CFAP46: variants seen among roughly 807,000 people sequenced by gnomAD.
CFAP46 encodes cilia- and flagella-associated protein 46.
Under a neutral mutation model 325.7 loss-of-function variants are expected in CFAP46, and 245 were observed. The observed-to-expected ratio is 0.75, with a 90% CI of 0.68 to 0.84. The LOEUF is 0.84. Among genes scored for constraint, CFAP46 ranks in the 40% least tolerant of loss-of-function variants. The pLI is 0.00. For missense variants in CFAP46, 3,346 were observed against 3,543.0 expected (o/e 0.94, Z 1.41); for synonymous variants, 1,523 against 1,495.9 (o/e 1.02, Z -0.42).
chr10:132,924,138 T>C (rs1849770461), intron 11 of CFAP46, among the ~76,000 whole-genome samples: 1 of 152,086 alleles, frequency 6.6e-6, no homozygotes, highest in Non-Finnish European at 1.5e-5. Flanking sequence ...CAACAGCTTG[T>C]GGCTGCCCTT....
At chr10:132,850,151 C>T in intron 41 of CFAP46, 93 bp downstream of exon 41, 1 of 1,253,028 alleles carries the variant, frequency 8.0e-7, no homozygotes, top group Non-Finnish European at 1.1e-6. Context: ...GCCACTGCTG[C>T]AATCACAGGA....
intron 20 of CFAP46, among the ~76,000 whole-genome samples, 199 bp downstream of exon 20, chr10:132,909,720 G>C (rs576058862): frequency 1.8e-4 from 28 of 152,374 alleles, no homozygotes; most frequent in Non-Finnish European, 3.7e-4. Flanking sequence ...CCCGTGGACG[G>C]GTGGGCAGAG....
chr10:132,818,832 C>G (rs1332667364), intron 50 of CFAP46, among the ~76,000 whole-genome samples: 1 of 142,222 alleles, frequency 7.0e-6, no homozygotes, highest in African/African-American at 2.6e-5. Context: ...CTAGCCTGGG[C>G]AACAGAGTGA....
intron 44 of CFAP46, among the ~76,000 whole-genome samples, chr10:132,841,825 C>T (rs1848349324): frequency 6.6e-6 from 1 of 152,232 alleles, no homozygotes; most frequent in Admixed American, 6.5e-5. Flanking sequence ...CCCCAGCAGG[C>T]CCTGGGCAGA....
In CFAP46 at chr10:132,872,697, AG is replaced by A. The variant is rs1463232511; in HGVS notation, c.4489del (p.Leu1497CysfsTer16). The A allele has an allele frequency of 6.4e-7, 1 of 1,550,694 alleles. No individual in the cohort carries two copies. The highest frequency in any genetic ancestry group is 1.2e-5 in the South Asian group (1 of 84,068). On this transcript the variant is annotated frameshift_variant, in exon 32 of 58. Transcript: ENST00000368586. LOFTEE classifies it high-confidence loss of function. ...ISDSVVGSKG[L>X]SDLYHLRLAH... ...CCACCGAAGGTGGTAGAGATCCGAC[AG>A]GCCCTTGCTTCCCACCACGGAGTCC...
intron 9 of CFAP46, among the ~76,000 whole-genome samples, chr10:132,928,568 G>A (rs890128000): frequency 4.6e-5 from 7 of 152,158 alleles, no homozygotes; most frequent in African/African-American, 1.4e-4. Context: ...GGCTCCCCCC[G>A]TGCTGAGCCA....
chr10:132,873,328 T>C (rs956313410), intron 31 of CFAP46, among the ~76,000 whole-genome samples: 4 of 152,192 alleles, frequency 2.6e-5, no homozygotes, highest in African/African-American at 7.2e-5. Flanking sequence ...AACTGGAGGA[T>C]AATCAATATC....
Position 132,937,557 on chromosome 10 carries a change from CAG to C in CFAP46, c.653_654del (p.Ser218CysfsTer6), listed in dbSNP as rs747589385. 28 of 1,613,416 alleles carry C rather than the reference CAG, an allele frequency of 1.7e-5. 1 individual carries two copies. Among genetic ancestry groups the C allele is most frequent in the South Asian group, 1.3e-4 (12 of 91,070 alleles). On this transcript the variant is annotated frameshift_variant, in exon 6 of 58. Coordinates refer to ENST00000368586, the MANE Select transcript of CFAP46 (RefSeq NM_001200049.3). LOFTEE classifies it high-confidence loss of function. ...TTTCTAATACGCTGATTTACCATAA[CAG>C]AGAATATCTGCCGGTATTTCTGTGG... The part of the protein sequence containing the change: ...HVPQKYRQIF[S>X]VMVRHELMDE...
intron 55 of CFAP46, 33 bp from the exon 56 acceptor site, chr10:132,811,064 T>C (rs1847572404): frequency 1.3e-6 from 2 of 1,539,582 alleles, no homozygotes; most frequent in African/African-American, 1.4e-5. Flanking sequence ...TCAGCAGCCT[T>C]GGCCTGACAT....
chr10:132,821,422 C>G (rs1490432400), intron 50 of CFAP46, among the ~76,000 whole-genome samples: 1 of 107,322 alleles, frequency 9.3e-6, no homozygotes, highest in South Asian at 3.1e-4. Flanking sequence ...TGTGTGAGCG[C>G]TGATGTGTGC....
intron 32 of CFAP46, among the ~76,000 whole-genome samples, chr10:132,871,716 C>T (rs1050982017): frequency 3.3e-5 from 5 of 152,176 alleles, no homozygotes; most frequent in Non-Finnish European, 7.3e-5. Flanking sequence ...TATGGATGAG[C>T]AGAGAAAGTG....
intron 9 of CFAP46, among the ~76,000 whole-genome samples, chr10:132,928,349 G>C (rs1482043436): frequency 1.3e-5 from 2 of 152,214 alleles, no homozygotes; most frequent in African/African-American, 4.8e-5. Context: ...GCCCACAGAA[G>C]CCGGTAAAGG....
intron 13 of CFAP46, among the ~76,000 whole-genome samples, chr10:132,921,442 C>T (rs983799668): frequency 2.0e-5 from 3 of 152,346 alleles, no homozygotes; most frequent in Admixed American, 1.3e-4. Flanking sequence ...ATGGGCCGTA[C>T]GGCCCCGTGT....
At chr10:132,836,586 C>A (rs1848251381) in intron 45 of CFAP46, among the ~76,000 whole-genome samples, 1 of 152,236 alleles carries the variant, frequency 6.6e-6, no homozygotes, top group South Asian at 2.1e-4. Context: ...ACACAAAGAC[C>A]CTGTACTGGA....
At chr10:132,931,442 ACTGGG>A (rs1849900052) in intron 8 of CFAP46, among the ~76,000 whole-genome samples, 1 of 90,842 alleles carries the variant, frequency 1.1e-5, no homozygotes, top group African/African-American at 4.4e-5. Flanking sequence ...CCACTCAGAG[ACTGGG>A]CCTTCCCCAC....
At position 132,915,587 on chromosome 10, in the gene CFAP46, T is replaced by C. The variant is rs189042361; in HGVS notation, c.2120+962A>G. Among the ~76,000 whole-genome samples the C allele has an allele frequency of 6.6e-3, 979 of 147,420 alleles. 11 individuals carry two copies. Among genetic ancestry groups the C allele is most frequent in the South Asian group, 0.061 (271 of 4,474 alleles). On this transcript the variant is annotated intron_variant, in intron 17 of 57. Coordinates refer to ENST00000368586, the MANE Select transcript of CFAP46 (RefSeq NM_001200049.3). ...CCCAGCTTCTGCCCCGAGGGACCGG[T>C]GAGGGCGGGGCGCCGTGCCCAGCTT...
At chr10:132,867,237 G>GACAC in intron 34 of CFAP46, 138 bp downstream of exon 34, 1 of 982,014 alleles carries the variant, frequency 1.0e-6, no homozygotes, top group Non-Finnish European at 1.5e-6. Context: ...CTCACACACT[G>GACAC]ACACACACCC....
intron 50 of CFAP46, among the ~76,000 whole-genome samples, chr10:132,818,533 T>A (rs1388690712): frequency 6.6e-6 from 1 of 151,760 alleles, no homozygotes; most frequent in African/African-American, 2.4e-5. Context: ...GCGCTGGAAG[T>A]CCCCACCAGA....
chr10:132,850,262 G>C lies in CFAP46; in HGVS notation c.5934C>G (p.Tyr1978Ter). 1 of 1,550,790 alleles carries C rather than the reference G, an allele frequency of 6.4e-7. No homozygotes were observed. Among genetic ancestry groups the C allele is most frequent in the Non-Finnish European group, 8.7e-7 (1 of 1,146,924 alleles). The change falls in exon 41 of 58, where the codon TAC (tyrosine) becomes TAG (stop). Residue 1978 changes from tyrosine (Y) to a stop codon, truncating the protein, a stop_gained. Transcript: ENST00000368586. LOFTEE classifies it high-confidence loss of function. ...MQADPVHPTC[Y>*]WEAGPSVGAK... is the part of the protein sequence containing the mutation. ...CACCTACCGAGGGGCCCGCCTCCCA[G>C]TAGCAGGTAGGGTGCACAGGGTCAG...
Sources: allele counts gnomAD v4.1 joint callset (sites outside exome capture counted in the v4.1 genomes callset), GRCh38; gene constraint gnomAD v4.1.1; transcripts MANE v1.5; gene names NCBI Gene and HGNC (gene_info 2026-07-23, HGNC 2026-07-21).